DLGAP2: variants seen among roughly 807,000 people sequenced by gnomAD.
DLGAP2 encodes DLG associated protein 2.
Under a neutral mutation model 100.3 loss-of-function variants are expected in DLGAP2, and 26 were observed. The ratio of observed to expected loss-of-function variants is 0.26; its 90% CI spans 0.19 to 0.36. The LOEUF (loss-of-function observed/expected upper bound fraction) is 0.36. Ranked by LOEUF, DLGAP2 falls within the 10% of genes least tolerant of loss-of-function variation. DLGAP2 has a pLI of 1.00. For missense variants in DLGAP2, 1,858 were observed against 1,453.2 expected (o/e 1.28, Z -4.53); for synonymous variants, 886 against 630.1 (o/e 1.41, Z -6.08).
chr8:1,614,551 C>T (rs986973639), intron 6 of DLGAP2, among the ~76,000 whole-genome samples: 3 of 152,194 alleles, frequency 2.0e-5, no homozygotes, highest in Admixed American at 6.5e-5. Context: ...ACTTACCGGA[C>T]GACCTTGTGC....
intron 3 of DLGAP2, among the ~76,000 whole-genome samples, chr8:1,478,722 G>A (rs1223085644): frequency 6.6e-6 from 1 of 152,166 alleles, no homozygotes; most frequent in Non-Finnish European, 1.5e-5. Context: ...CATGGCATTT[G>A]GATGGCAGCC....
At chr8:1,249,411 C>G (rs1323293895) in intron 2 of DLGAP2, among the ~76,000 whole-genome samples, 8 of 152,142 alleles carry the variant, frequency 5.3e-5, no homozygotes, top group Non-Finnish European at 1.0e-4. Flanking sequence ...TGTTTCTGAA[C>G]TACTGAGGCC....
At chr8:1,319,439 A>G (rs1800844162) in intron 3 of DLGAP2, among the ~76,000 whole-genome samples, 1 of 152,198 alleles carries the variant, frequency 6.6e-6, no homozygotes, top group Admixed American at 6.5e-5. Context: ...TCACTCAGCC[A>G]TCCTCTGTCT....
In DLGAP2 at chr8:1,187,754, C is replaced by G. The variant is rs1014347162; in HGVS notation, c.74-71097C>G. Among the ~76,000 whole-genome samples the G allele has an allele frequency of 5.6e-5, 8 of 142,062 alleles. 1 individual carries two copies. The highest frequency in any genetic ancestry group is 2.3e-4 in the African/African-American group (8 of 35,334). 93.2% of individuals were successfully genotyped at this position (142,062 alleles called of 152,430 possible). ...CGCCCGAGACTTCCGTGACGTTTCCCTCACGGAATCTCACACGCCCGGGAC... is the reference window on the plus strand; with the variant it reads ...CGCCCGAGACTTCCGTGACGTTTCCGTCACGGAATCTCACACGCCCGGGAC... On this transcript the variant is annotated intron_variant, in intron 2 of 14. Coordinates refer to ENST00000637795, the MANE Select transcript of DLGAP2 (RefSeq NM_001346810.2).
intron 3 of DLGAP2, among the ~76,000 whole-genome samples, chr8:1,293,287 G>A (rs1800100987): frequency 6.6e-6 from 1 of 152,174 alleles, no homozygotes; most frequent in Non-Finnish European, 1.5e-5. Flanking sequence ...CAGGAGTGGA[G>A]CATGGCCCCC....
intron 4 of DLGAP2, among the ~76,000 whole-genome samples, chr8:1,529,075 G>A (rs554453077): frequency 1.3e-5 from 2 of 151,904 alleles, no homozygotes; most frequent in South Asian, 4.2e-4. Flanking sequence ...AGCTGCCTGA[G>A]ACTGGGTAAT....
intron 1 of DLGAP2, among the ~76,000 whole-genome samples, chr8:796,054 C>T (rs1796029767): frequency 3.3e-5 from 5 of 150,336 alleles, no homozygotes; most frequent in Non-Finnish European, 5.9e-5. Context: ...CCAGTGAGAG[C>T]AGCTGTCCAG....
intron 3 of DLGAP2, among the ~76,000 whole-genome samples, chr8:1,313,646 G>T (rs1468377935): frequency 6.6e-6 from 1 of 152,158 alleles, no homozygotes. Context: ...CTTCACAGCG[G>T]CAGGCTCTGT....
intron 2 of DLGAP2, among the ~76,000 whole-genome samples, chr8:1,191,778 A>G (rs1797645829): frequency 6.6e-6 from 1 of 152,034 alleles, no homozygotes; most frequent in Non-Finnish European, 1.5e-5. Context: ...GGGGTCCTTT[A>G]CCTTGAAATT....
intron 6 of DLGAP2, among the ~76,000 whole-genome samples, chr8:1,614,304 C>T (rs573951267): frequency 2.0e-5 from 3 of 152,358 alleles, no homozygotes; most frequent in Non-Finnish European, 2.9e-5. Flanking sequence ...GGGGCCTCTG[C>T]AGCCAGAGGG....
chr8:994,070 G>A (rs973649432), intron 2 of DLGAP2, among the ~76,000 whole-genome samples: 1 of 152,052 alleles, frequency 6.6e-6, no homozygotes, highest in South Asian at 2.1e-4. Flanking sequence ...GTACTATGGT[G>A]GTTTTTGGAT....
chr8:1,098,515 G>C (rs930263503), intron 2 of DLGAP2, among the ~76,000 whole-genome samples: 4 of 152,102 alleles, frequency 2.6e-5, no homozygotes, highest in African/African-American at 9.7e-5. Context: ...GCCAGTGTTT[G>C]TTGGGCTTCA....
At chr8:968,860 T>C (rs1011208414) in intron 2 of DLGAP2, among the ~76,000 whole-genome samples, 2 of 152,130 alleles carry the variant, frequency 1.3e-5, no homozygotes, top group Non-Finnish European at 2.9e-5. Context: ...ATGAAACCGA[T>C]GTTTTTTCCT....
rs748294399 is a variant in DLGAP2, at chr8:1,252,840, G to A, written c.74-6011G>A. On this transcript the variant is annotated intron_variant, in intron 2 of 14. Transcript: ENST00000637795. ...GAGCAGAGGATCCTGCCGTGTGCTC[G>A]GAGACTTGGAAGAGGAAAGACGTTG... Among the ~76,000 whole-genome samples the A allele has an allele frequency of 5.9e-5, 9 of 152,210 alleles. No individual in the cohort carries two copies. The East Asian group carries it at 7.7e-4, about 13-fold the overall frequency.
intron 1 of DLGAP2, among the ~76,000 whole-genome samples, chr8:785,221 C>CAAAAAAAAAAAAA (rs55781731): frequency 3.3e-5 from 2 of 60,820 alleles, no homozygotes; most frequent in African/African-American, 8.3e-5. Flanking sequence ...GACTCCGCCT[C>CAAAAAAAAAAAAA]AAAAAAAAAA....
intron 3 of DLGAP2, among the ~76,000 whole-genome samples, chr8:1,322,419 A>T (rs981300672): frequency 6.6e-6 from 1 of 152,002 alleles, no homozygotes; most frequent in African/African-American, 2.4e-5. Flanking sequence ...GGCGTGCTGG[A>T]TCCTGCTTCT....
intron 3 of DLGAP2, among the ~76,000 whole-genome samples, chr8:1,338,244 CA>C (rs1274582450): frequency 6.6e-6 from 1 of 152,236 alleles, no homozygotes; most frequent in South Asian, 2.1e-4. Context: ...GTGTCCACAG[CA>C]GCATTGCTTA....
chr8:1,594,243 TAAAAC>T (rs1349764994), intron 6 of DLGAP2, among the ~76,000 whole-genome samples: 2 of 151,978 alleles, frequency 1.3e-5, no homozygotes, highest in African/African-American at 4.8e-5. Flanking sequence ...TTCAAAGAAA[TAAAAC>T]AAATCTCCAG....
In DLGAP2 at chr8:1,189,039, C is replaced by G. The variant is rs113498854; in HGVS notation, c.74-69812C>G. ...ACAGGGTTCGGGCCCCATGGCGGTT[C>G]CGCTGTTGGGGTTGAGCATACACAG... On this transcript the variant is annotated intron_variant, in intron 2 of 14. Coordinates refer to ENST00000637795, the MANE Select transcript of DLGAP2 (RefSeq NM_001346810.2). Among the ~76,000 whole-genome samples the G allele has an allele frequency of 6.1e-5, 9 of 147,146 alleles. 1 individual carries two copies. Among genetic ancestry groups the G allele is most frequent in the South Asian group, 2.2e-4 (1 of 4,642 alleles).
Sources: gnomAD v4.1 joint callset for allele counts (sites outside exome capture counted in the v4.1 genomes callset) on GRCh38, gnomAD v4.1.1 for gene constraint, MANE v1.5 for transcripts, NCBI Gene and HGNC (gene_info 2026-07-23, HGNC 2026-07-21) for gene names.